Variants in PCLO observed in about 807,000 individuals in gnomAD.
PCLO encodes protein piccolo.
In PCLO, 82 loss-of-function variants were observed where a neutral mutation model predicts 427.5. The observed-to-expected ratio is 0.19, with a 90% CI of 0.16 to 0.23. The LOEUF (loss-of-function observed/expected upper bound fraction) is 0.23. Among genes scored for constraint, PCLO ranks in the 10% least tolerant of loss-of-function variants. The probability of loss-of-function intolerance (pLI) is 1.00; values close to 1 mark genes in which losing one functional copy is unlikely to be tolerated. For missense variants in PCLO, 6,239 were observed against 6,115.9 expected, an observed-to-expected ratio of 1.02 and a Z score of -0.67; for synonymous variants, 2,357 against 2,155.4, an observed-to-expected ratio of 1.09 and a Z score of -2.59.
chr7:82,923,664 A>G (rs1159821593), intron 6 of PCLO, among the ~76,000 whole-genome samples: 21 of 152,206 alleles, frequency 1.4e-4, no homozygotes, highest in Admixed American at 1.4e-3. Context: ...CTCCATGTAG[A>G]TAACATAGAA....
chr7:83,001,690 G>T (rs1268584258), intron 3 of PCLO, among the ~76,000 whole-genome samples: 2 of 151,988 alleles, frequency 1.3e-5, no homozygotes, highest in Non-Finnish European at 2.9e-5. Flanking sequence ...GACTGGGCTG[G>T]GCAGAACAAA....
intron 22 of PCLO, among the ~76,000 whole-genome samples, chr7:82,782,046 G>A (rs776886027): frequency 3.3e-5 from 5 of 152,200 alleles, no homozygotes; most frequent in Non-Finnish European, 5.9e-5. Context: ...CCACAGAGGA[G>A]ATCACAGGAA....
At chr7:82,917,969 G>C (rs1794506545) in intron 6 of PCLO, among the ~76,000 whole-genome samples, 1 of 151,090 alleles carries the variant, frequency 6.6e-6, no homozygotes, top group African/African-American at 2.4e-5. Flanking sequence ...ATTTTTATTT[G>C]TTTTCTGTTA....
chr7:83,073,413 T>C (rs1789868042), intron 3 of PCLO, among the ~76,000 whole-genome samples: 1 of 152,010 alleles, frequency 6.6e-6, no homozygotes, highest in Non-Finnish European at 1.5e-5. Context: ...AGAGAGATAA[T>C]ATTTTCTGCC....
At chr7:83,067,492 T>C (rs1487949718) in intron 3 of PCLO, among the ~76,000 whole-genome samples, 1 of 151,772 alleles carries the variant, frequency 6.6e-6, no homozygotes, top group Non-Finnish European at 1.5e-5. Flanking sequence ...TCTTGACTAG[T>C]ATTGTAATAA....
At chr7:82,869,928 A>G (rs1793189984) in intron 10 of PCLO, among the ~76,000 whole-genome samples, 1 of 152,042 alleles carries the variant, frequency 6.6e-6, no homozygotes, top group Non-Finnish European at 1.5e-5. Flanking sequence ...CAATGGATAA[A>G]AAATAGAAAG....
intron 16 of PCLO, among the ~76,000 whole-genome samples, chr7:82,835,256 G>T (rs530391518): frequency 6.6e-6 from 1 of 152,142 alleles, no homozygotes; most frequent in East Asian, 1.9e-4. Flanking sequence ...ATATACACCT[G>T]CACTGGACAT....
intron 2 of PCLO, among the ~76,000 whole-genome samples, chr7:83,150,183 A>C (rs1407561803): frequency 6.6e-6 from 1 of 152,212 alleles, no homozygotes; most frequent in African/African-American, 2.4e-5. Flanking sequence ...GTGAGGCTAC[A>C]TACCAAAAGA....
At chr7:82,894,229 C>T (rs1028280221) in intron 9 of PCLO, among the ~76,000 whole-genome samples, 4 of 151,990 alleles carry the variant, frequency 2.6e-5, no homozygotes, top group Admixed American at 6.6e-5. Context: ...CCAACCATTT[C>T]AGCATTCTGG....
At chr7:82,816,685 T>C (rs973439942) in intron 20 of PCLO, among the ~76,000 whole-genome samples, 3 of 152,146 alleles carry the variant, frequency 2.0e-5, no homozygotes, top group Non-Finnish European at 2.9e-5. Flanking sequence ...AGCTAGACCA[T>C]ATGACTAAGG....
intron 6 of PCLO, among the ~76,000 whole-genome samples, chr7:82,937,505 A>G (rs1417043370): frequency 6.6e-6 from 1 of 151,746 alleles, no homozygotes; most frequent in African/African-American, 2.4e-5. Context: ...TCTTTGGTAT[A>G]GTGTTAACTA....
At chr7:83,086,251 T>C (rs1459683965) in intron 3 of PCLO, among the ~76,000 whole-genome samples, 1 of 151,936 alleles carries the variant, frequency 6.6e-6, no homozygotes, top group African/African-American at 2.4e-5. Context: ...GCTGGGATTA[T>C]AGGCACATGC....
At chr7:82,774,123 G>C (rs1790700673) in intron 22 of PCLO, among the ~76,000 whole-genome samples, 1 of 152,070 alleles carries the variant, frequency 6.6e-6, no homozygotes, top group South Asian at 2.1e-4. Flanking sequence ...TCCCTAGTTA[G>C]TTCCTTTCTC....
At chr7:82,769,658 C>T (rs142714625) in intron 22 of PCLO, among the ~76,000 whole-genome samples, 9 of 152,166 alleles carry the variant, frequency 5.9e-5, no homozygotes, top group African/African-American at 1.9e-4. Flanking sequence ...ACCTTGTAAA[C>T]GAAAAGTCTG....
Position 83,155,224 on chromosome 7 carries a change from G to T in PCLO, c.1417C>A (p.Leu473Met), listed in dbSNP as rs373467265. ...QTGPTKPPSQ[L>M]PGPAKPPPQQ... The stretch of plus-strand genomic sequence containing the variant: ...GGTGGGGGCTTTGCTGGGCCAGGCA[G>T]TTGTGAAGGAGGCTTTGTTGGGCCA... Residue 473 changes from leucine to methionine, a missense_variant, in exon 2 of 25, where the codon CTG (leucine) becomes ATG (methionine). Physicochemically the swap from Leu to Met is conservative, Grantham distance 15. Transcript: ENST00000333891. 5.8e-5 allele frequency: 94 copies of T among 1,613,682 alleles called. No homozygotes were observed. Among genetic ancestry groups the T allele is most frequent in the Non-Finnish European group, 7.8e-5 (92 of 1,179,852 alleles).
chr7:82,859,390 G>C (rs1354057996), intron 10 of PCLO, among the ~76,000 whole-genome samples: 1 of 152,188 alleles, frequency 6.6e-6, no homozygotes, highest in East Asian at 1.9e-4. Context: ...CCCAGCTTTA[G>C]GTGGCTCAGA....
Position 83,075,712 on chromosome 7 carries a change from TC to T in PCLO, c.3300+58537del, listed in dbSNP as rs567431246. ...ACAAGTTAAAATTTCGGGAAATTAC[TC>T]ATATGTATATACACACATACACACA... is the stretch of plus-strand genomic sequence containing the variant. On this transcript the variant is annotated intron_variant, in intron 3 of 24. Coordinates refer to ENST00000333891, the MANE Select transcript of PCLO (RefSeq NM_033026.6). 1.9e-4 allele frequency among the ~76,000 whole-genome samples: 29 copies of T among 152,272 alleles called. No individual in the cohort carries two copies. In the East Asian group the frequency reaches 5.6e-3, roughly 29 times the overall value.
At position 83,153,246 on chromosome 7, in the gene PCLO, AACT is replaced by A. The variant is rs777157893; in HGVS notation, c.1893+1499_1893+1501del. 3.3e-5 allele frequency among the ~76,000 whole-genome samples: 5 copies of A among 150,840 alleles called. No homozygotes were observed. The East Asian group carries it at 5.8e-4, about 17-fold the overall frequency. On this transcript the variant is annotated intron_variant, in intron 2 of 24. Coordinates refer to ENST00000333891, the MANE Select transcript of PCLO (RefSeq NM_033026.6). ...ATATGTATATATGTGTATATATATAAACTACTTATAATCTGATTTCTTCCATAA... is the reference window on the plus strand; with the variant it reads ...ATATGTATATATGTGTATATATATAAACTTATAATCTGATTTCTTCCATAA...
rs1392683731 is a variant in PCLO, at chr7:82,757,763, T to C, written c.*812A>G. The C allele has an allele frequency of 6.6e-6, 1 of 151,936 alleles. No individual in the cohort carries two copies. The highest frequency in any genetic ancestry group is 2.4e-5 in the African/African-American group (1 of 41,420). The allele number at this position is 151,936 out of a possible 1,614,324, so 9.4% of individuals were successfully genotyped here. A position where few individuals can be genotyped will look rare whatever the true frequency, so the allele number is the denominator to read the frequency against. ...GCTTAATGGTAAATTATGAAGATTT[T>C]GATGGTTTCAACCAAAATTCCAATA... On this transcript the variant is annotated 3_prime_UTR_variant, in exon 25 of 25. Transcript: ENST00000333891.
Sources: gnomAD v4.1 joint callset for allele counts (sites outside exome capture counted in the v4.1 genomes callset) on GRCh38, gnomAD v4.1.1 for gene constraint, MANE v1.5 for transcripts, NCBI Gene and HGNC (gene_info 2026-07-23, HGNC 2026-07-21) for gene names.